Variants in DDX23 observed in about 807,000 individuals in gnomAD.
The protein encoded by DDX23 is probable ATP-dependent RNA helicase DDX23.
A neutral mutation model predicts 102.7 loss-of-function variants in DDX23; 33 were observed. The observed-to-expected ratio is 0.32, with a 90% confidence interval of 0.24 to 0.43. The LOEUF (loss-of-function observed/expected upper bound fraction) is 0.43. Among genes scored for constraint, DDX23 ranks in the 20% least tolerant of loss-of-function variants. The pLI, the probability that DDX23 is intolerant of heterozygous loss-of-function variation, is 1.00. For synonymous variants in DDX23, 352 were observed against 376.0 expected, an observed-to-expected ratio of 0.94 and a Z score of 0.74; for missense variants, 549 against 1,086.6, an observed-to-expected ratio of 0.51 and a Z score of 6.96.
chr12:48,831,200 A>T lies in DDX23; in HGVS notation c.2181T>A (p.Gly727=), dbSNP rs771160907. 1 of 1,614,212 alleles carries T rather than the reference A, an allele frequency of 6.2e-7. No homozygotes were observed. The highest frequency in any genetic ancestry group is 1.3e-5 in the African/African-American group (1 of 75,042). ...ILVATDVAGR[G]IDIQDVSMVV... ...CCATAGACACATCTTGGATGTCAAT[A>T]CCACGACCAGCCACATCTGTAGCCA... Residue 727 remains glycine (G), a synonymous_variant, in exon 16 of 17, where the codon GGT becomes GGA. Transcript: ENST00000308025.
chr12:48,830,784 C>G lies in DDX23; in HGVS notation c.2240-92G>C. The G allele has an allele frequency of 7.5e-7, 1 of 1,326,966 alleles. No homozygotes were observed. Among genetic ancestry groups the G allele is most frequent in the Non-Finnish European group, 1.0e-6 (1 of 966,614 alleles). The allele number at this position is 1,326,966 out of a possible 1,614,324, so 82.2% of individuals were successfully genotyped here. A position where few individuals can be genotyped will look rare whatever the true frequency, so the allele number is the denominator to read the frequency against. ...CACTTCTAGAGGCATCCTTCCCACC[C>G]CATCTCCAAAGGCAGGAATACAGCA... On this transcript the variant is annotated intron_variant, in intron 16 of 16. Coordinates refer to ENST00000308025, the MANE Select transcript of DDX23 (RefSeq NM_004818.3). The surrounding 1 kb of genome is among the most constrained non-coding windows in gnomAD (Gnocchi z 4.9).
chr12:48,851,887 G>T (rs2091132240), intron 1 of DDX23, among the ~76,000 whole-genome samples, 197 bp downstream of exon 1: 1 of 152,244 alleles, frequency 6.6e-6, no homozygotes, highest in Non-Finnish European at 1.5e-5. Context: ...GCAGGGACGT[G>T]GCCTGTGCCC....
At position 48,832,546 on chromosome 12, in the gene DDX23, G is replaced by C; in HGVS notation, c.1831C>G (p.Pro611Ala). Residue 611 changes from proline (P) to alanine (A), a missense_variant, in exon 14 of 17, where the codon CCA (proline) becomes GCA (alanine). This residue lies in a region of DDX23 where 270 missense variants were observed against 707.0 expected (regional missense o/e 0.38). Transcript: ENST00000308025. This position sits in a 1 kb window ranked among gnomAD's most constrained non-coding sequence, Gnocchi z 4.4. The stretch of plus-strand genomic sequence containing the variant: ...CTCCTGGCCAGACGCTCCACCGCTG[G>C]GGGCATGGTGGCCGTGAACATGACT... ...QTVMFTATMP[P>A]AVERLARSYL... is the part of the protein sequence containing the mutation. 2 of 1,614,152 alleles carry C rather than the reference G, an allele frequency of 1.2e-6. No homozygotes were observed. The highest frequency in any genetic ancestry group is 1.1e-5 in the South Asian group (1 of 91,080).
Position 48,832,146 on chromosome 12 carries a change from G to A in DDX23, c.1996C>T (p.Pro666Ser). ...TTCTGGTTGACAAAAATAATGATGG[G>A]TGGGTCAAAGCCTTGCTCCAAGATT... ...LAILEQGFDP[P>S]IIIFVNQKKG... Residue 666 changes from proline (P) to serine (S), a missense_variant, in exon 15 of 17, where the codon CCC becomes TCC. Pro to Ser is a moderately conservative substitution (Grantham distance 74, BLOSUM62 -1). This residue lies in a region of DDX23 where 270 missense variants were observed against 707.0 expected (regional missense o/e 0.38). Coordinates refer to ENST00000308025, the MANE Select transcript of DDX23 (RefSeq NM_004818.3). The surrounding 1 kb of genome is among the most constrained non-coding windows in gnomAD (Gnocchi z 4.4). The A allele has an allele frequency of 6.2e-7, 1 of 1,613,916 alleles. No homozygotes were observed. Among genetic ancestry groups the A allele is most frequent in the Non-Finnish European group, 8.5e-7 (1 of 1,180,006 alleles).
At chr12:48,837,192 C>T in intron 8 of DDX23, 89 bp downstream of exon 8, 2 of 1,552,134 alleles carry the variant, frequency 1.3e-6, no homozygotes, top group Admixed American at 1.8e-5. Context: ...TCCATCCCAG[C>T]TTATCTTACT....
At chr12:48,849,381 AGGCCAGGAGCAGT>A (rs1938721712) in intron 1 of DDX23, among the ~76,000 whole-genome samples, 1 of 151,940 alleles carries the variant, frequency 6.6e-6, no homozygotes, top group South Asian at 2.1e-4. Context: ...AATCAGCCGG[AGGCCAGGAGCAGT>A]GGCTCACGCC....
chr12:48,830,300 G>T lies in DDX23; in HGVS notation c.*169C>A. 1 of 823,314 alleles carries T rather than the reference G, an allele frequency of 1.2e-6. No individual in the cohort carries two copies. Among genetic ancestry groups the T allele is most frequent in the Non-Finnish European group, 2.0e-6 (1 of 491,968 alleles). 51.0% of individuals were successfully genotyped at this position (823,314 alleles called of 1,614,324 possible). ...GACAGCGTCGTCCTCTCCTTTTGCAGCCCCACACGCAGGCCTCCTGACCTG... is the reference window on the plus strand; with the variant it reads ...GACAGCGTCGTCCTCTCCTTTTGCATCCCCACACGCAGGCCTCCTGACCTG... On this transcript the variant is annotated 3_prime_UTR_variant, in exon 17 of 17. Transcript: ENST00000308025. The surrounding 1 kb of genome is among the most constrained non-coding windows in gnomAD (Gnocchi z 4.9).
Position 48,836,780 on chromosome 12 carries a change from T to C in DDX23, c.1025A>G (p.Lys342Arg), listed in dbSNP as rs141431927. Reference protein sequence around the residue: ...EKEQEEARLRKLRKKEAKQRW... With the variant: ...EKEQEEARLRRLRKKEAKQRW... The stretch of plus-strand genomic sequence containing the variant: ...CTGCTTGGCTTCCTTCTTACGAAGT[T>C]TGCGGAGTCTTGCCCTGGAGCAGGG... The change falls in exon 10 of 17, where the codon AAA becomes AGA. Residue 342 changes from lysine (K) to arginine (R), a missense_variant. By Grantham distance (26) the Lys-to-Arg change is conservative. Transcript: ENST00000308025. This position sits in a 1 kb window ranked among gnomAD's most constrained non-coding sequence, Gnocchi z 6.1. 219 of 1,614,062 alleles carry C rather than the reference T, an allele frequency of 1.4e-4. No homozygotes were observed. Among genetic ancestry groups the C allele is most frequent in the Non-Finnish European group, 1.7e-4 (200 of 1,179,932 alleles).
intron 13 of DDX23, chr12:48,833,046 C>T (rs1470038784): frequency 7.0e-6 from 4 of 572,740 alleles, no homozygotes; most frequent in Non-Finnish European, 1.2e-5. Flanking sequence ...AGTAGTGGCA[C>T]GACCTCAGCT....
chr12:48,839,536 G>A (rs1336354438), intron 5 of DDX23: 8 of 223,222 alleles, frequency 3.6e-5, no homozygotes, highest in Non-Finnish European at 8.6e-6. Flanking sequence ...TCCATCCTGG[G>A]CGACAGAGTG....
rs147905074 is a variant in DDX23, at chr12:48,833,242, G to A, written c.1803+35C>T. 2.0e-5 allele frequency: 32 copies of A among 1,612,466 alleles called. No individual in the cohort carries two copies. The African/African-American group carries it at 4.0e-4, about 20-fold the overall frequency. ...TCAAGTGATCCACCCGCCTTGGCCT[G>A]TCCAACTTTTCCCAGCCCAGGGAAG... On this transcript the variant is annotated intron_variant, in intron 13 of 16. Coordinates refer to ENST00000308025, the MANE Select transcript of DDX23 (RefSeq NM_004818.3).
In DDX23 at chr12:48,837,682, G is replaced by C. The variant is rs201193530; in HGVS notation, c.620-25C>G. ...TCTGCAGACCAAAGAAAGCAAAGCT[G>C]CAGAAGAGCTCATGGAAGAAAAGAG... On this transcript the variant is annotated intron_variant, in intron 6 of 16. Transcript: ENST00000308025. 750 of 1,613,606 alleles carry C rather than the reference G, an allele frequency of 4.6e-4. 12 individuals carry two copies. The South Asian group carries it at 6.1e-3, about 13-fold the overall frequency.
At chr12:48,848,200 G>A (rs919325578) in intron 1 of DDX23, among the ~76,000 whole-genome samples, 1 of 151,430 alleles carries the variant, frequency 6.6e-6, no homozygotes, top group African/African-American at 2.4e-5. Flanking sequence ...GCAGGAGAAT[G>A]GCGTGAACCC....
chr12:48,839,781 C>A (rs745738456), intron 5 of DDX23, 63 bp downstream of exon 5: 3 of 1,545,484 alleles, frequency 1.9e-6, no homozygotes, highest in Non-Finnish European at 2.7e-6. Flanking sequence ...GTTGAAGTCA[C>A]CCAGTCTGTG....
At chr12:48,848,340 C>CA (rs1437245399) in intron 1 of DDX23, among the ~76,000 whole-genome samples, 17 of 151,786 alleles carry the variant, frequency 1.1e-4, no homozygotes, top group Non-Finnish European at 2.5e-4. Flanking sequence ...TCTCCTACTT[C>CA]ATAAAGCTTA....
rs751689445 is a variant in DDX23, at chr12:48,837,052, G to C, written c.867-15C>G. 1 of 1,612,428 alleles carries C rather than the reference G, an allele frequency of 6.2e-7. No homozygotes were observed. The highest frequency in any genetic ancestry group is 8.5e-7 in the Non-Finnish European group (1 of 1,179,608). Reference sequence around the variant, plus strand: ...GTTCTTTGTACCTGGGATTGAGATAGAGGAAAAGAAAAAAGAAGGAGCTGT... The same window carrying C: ...GTTCTTTGTACCTGGGATTGAGATACAGGAAAAGAAAAAAGAAGGAGCTGT... On this transcript the variant is annotated splice_polypyrimidine_tract_variant and intron_variant, in intron 8 of 16. Transcript: ENST00000308025.
At chr12:48,851,920 G>C (rs145847729) in intron 1 of DDX23, among the ~76,000 whole-genome samples, 164 bp downstream of exon 1, 1 of 152,344 alleles carries the variant, frequency 6.6e-6, no homozygotes, top group Non-Finnish European at 1.5e-5. Flanking sequence ...ACTACCCCTG[G>C]GGCCCGCGCC....
chr12:48,842,497 T>TG (rs1361810147), intron 3 of DDX23, among the ~76,000 whole-genome samples: 8 of 54,740 alleles, frequency 1.5e-4, no homozygotes, highest in Non-Finnish European at 2.2e-4. Flanking sequence ...GGGAGGAAGG[T>TG]GGGGGGGTCA....
intron 1 of DDX23, among the ~76,000 whole-genome samples, chr12:48,846,420 G>A (rs1378143425): frequency 6.6e-6 from 1 of 152,072 alleles, no homozygotes; most frequent in Non-Finnish European, 1.5e-5. Flanking sequence ...AAGTTTATTA[G>A]GTCTGCCAAC....
Sources: allele counts gnomAD v4.1 joint callset (sites outside exome capture counted in the v4.1 genomes callset), GRCh38; gene constraint gnomAD v4.1.1; regional missense constraint gnomAD v4.1.1; non-coding constraint Gnocchi (gnomAD v3.1); transcripts MANE v1.5; gene names NCBI Gene and HGNC (gene_info 2026-07-23, HGNC 2026-07-21).